Variants in VSTM2B observed in about 807,000 individuals in gnomAD.
The protein encoded by VSTM2B is V-set and transmembrane domain containing 2B.
In VSTM2B, 24 loss-of-function variants were observed where a neutral mutation model predicts 24.0. That is an observed-to-expected ratio of 1.00 (90% CI 0.72 to 1.40). The LOEUF is 1.40. Ranked by LOEUF, VSTM2B falls within the 40% of genes most tolerant of loss-of-function variation. The pLI is 0.00. For missense variants in VSTM2B, 399 were observed against 416.4 expected (o/e 0.96, Z 0.36); for synonymous variants, 226 against 194.4 (o/e 1.16, Z -1.35).
chr19:29,528,814 C>T (rs984287639), intron 3 of VSTM2B: 3 of 781,932 alleles, frequency 3.8e-6, no homozygotes, highest in South Asian at 5.7e-5. Context: ...CGCGGCTGCT[C>T]GCCCTCGCCG....
At chr19:29,539,198 C>T (rs542192189) in intron 4 of VSTM2B, among the ~76,000 whole-genome samples, 34 of 152,274 alleles carry the variant, frequency 2.2e-4, no homozygotes, top group African/African-American at 7.5e-4. Flanking sequence ...ATTAAACCCC[C>T]AGGTTTGCCC....
At chr19:29,535,663 G>C (rs1476957763) in intron 4 of VSTM2B, among the ~76,000 whole-genome samples, 1 of 152,210 alleles carries the variant, frequency 6.6e-6, no homozygotes, top group Non-Finnish European at 1.5e-5. Flanking sequence ...GTGACCAAAG[G>C]GGGCCGTGGG....
intron 4 of VSTM2B, among the ~76,000 whole-genome samples, chr19:29,535,724 G>T (rs1969874238): frequency 6.6e-6 from 1 of 152,118 alleles, no homozygotes; most frequent in Non-Finnish European, 1.5e-5. Context: ...TGGTGATAGA[G>T]CTGAAGGAAT....
At chr19:29,530,441 C>T (rs538352483) in intron 4 of VSTM2B, among the ~76,000 whole-genome samples, 151 bp downstream of exon 4, 6 of 145,930 alleles carry the variant, frequency 4.1e-5, no homozygotes, top group East Asian at 2.4e-4. Flanking sequence ...GAGCGCCCCC[C>T]CCAGGGCCTT....
intron 4 of VSTM2B, among the ~76,000 whole-genome samples, chr19:29,551,635 A>G (rs1231324536): frequency 6.6e-6 from 1 of 152,186 alleles, no homozygotes; most frequent in African/African-American, 2.4e-5. Flanking sequence ...GTGATTAGCA[A>G]AATGATGATA....
intron 4 of VSTM2B, among the ~76,000 whole-genome samples, chr19:29,536,731 A>G (rs1411139080): frequency 6.6e-6 from 1 of 152,080 alleles, no homozygotes; most frequent in Non-Finnish European, 1.5e-5. Context: ...GCCCCCAAGA[A>G]AAGAGCTGGA....
At chr19:29,552,364 C>A (rs1970304883) in intron 4 of VSTM2B, among the ~76,000 whole-genome samples, 1 of 152,228 alleles carries the variant, frequency 6.6e-6, no homozygotes, top group African/African-American at 2.4e-5. Flanking sequence ...CCTGCATAGG[C>A]AACTGGGGTA....
At chr19:29,552,863 C>A (rs534628881) in intron 4 of VSTM2B, among the ~76,000 whole-genome samples, 2 of 152,310 alleles carry the variant, frequency 1.3e-5, no homozygotes, top group African/African-American at 4.8e-5. Flanking sequence ...TCAGACTGCC[C>A]CTTTAGGCCT....
At chr19:29,549,433 G>T (rs1304402294) in intron 4 of VSTM2B, among the ~76,000 whole-genome samples, 1 of 89,946 alleles carries the variant, frequency 1.1e-5, no homozygotes, top group East Asian at 4.6e-4. Flanking sequence ...TTCCCCCAGT[G>T]CTGCCTCAAC....
chr19:29,555,168 A>C (rs1970378332), intron 4 of VSTM2B, among the ~76,000 whole-genome samples: 2 of 152,144 alleles, frequency 1.3e-5, no homozygotes, highest in African/African-American at 4.8e-5. Context: ...GAAGTAAAAC[A>C]CTCCTCAGCA....
At chr19:29,555,505 C>T (rs1361676433) in intron 4 of VSTM2B, among the ~76,000 whole-genome samples, 2 of 151,974 alleles carry the variant, frequency 1.3e-5, no homozygotes, top group Non-Finnish European at 2.9e-5. Context: ...ACTAGAGAAC[C>T]AAGAGAAAAC....
chr19:29,547,312 C>T (rs1970177882), intron 4 of VSTM2B, among the ~76,000 whole-genome samples: 1 of 152,172 alleles, frequency 6.6e-6, no homozygotes, highest in African/African-American at 2.4e-5. Context: ...CTTCATCTCC[C>T]TGGACCTCAG....
chr19:29,538,629 G>C lies in VSTM2B; in HGVS notation c.769+8339G>C, dbSNP rs374756749. 5.3e-5 allele frequency among the ~76,000 whole-genome samples: 8 copies of C among 152,310 alleles called. 1 individual carries two copies. Among genetic ancestry groups the C allele is most frequent in the African/African-American group, 1.9e-4 (8 of 41,568 alleles). ...GGTTTATTTGGCTCACAGTTCTGCA[G>C]GCTGTGCAAGCAAGGCACCAGCATC... On this transcript the variant is annotated intron_variant, in intron 4 of 4. Transcript: ENST00000335523.
upstream of VSTM2B, chr19:29,525,592 C>G (rs1969537644): frequency 6.6e-6 from 1 of 152,448 alleles, no homozygotes; most frequent in Non-Finnish European, 1.5e-5. Flanking sequence ...CGGCCCCGGG[C>G]GCCCACCCAT....
chr19:29,525,965 C>CTCCCT (rs1969550128), upstream of VSTM2B, among the ~76,000 whole-genome samples: 1 of 151,774 alleles, frequency 6.6e-6, no homozygotes, highest in South Asian at 2.1e-4. Flanking sequence ...TGACCGCCCC[C>CTCCCT]TCCCTTCCCC....
chr19:29,543,009 G>A (rs911594261), intron 4 of VSTM2B, among the ~76,000 whole-genome samples: 26 of 152,240 alleles, frequency 1.7e-4, no homozygotes, highest in Admixed American at 7.8e-4. Context: ...GCCTGCTTCC[G>A]ACTCCCCTAA....
chr19:29,546,639 A>G lies in VSTM2B; in HGVS notation c.769+16349A>G, dbSNP rs555767208. Among the ~76,000 whole-genome samples, 9 of 152,206 alleles carry G rather than the reference A, an allele frequency of 5.9e-5. No individual in the cohort carries two copies. The South Asian group carries it at 1.5e-3, about 25-fold the overall frequency. ...CAGGTGAGGAATGGGCCCCACACTG[A>G]GGGAGGCAGCCTCGCCGTCCCCGCT... On this transcript the variant is annotated intron_variant, in intron 4 of 4. Coordinates refer to ENST00000335523, the MANE Select transcript of VSTM2B (RefSeq NM_001146339.2).
intron 4 of VSTM2B, among the ~76,000 whole-genome samples, chr19:29,544,812 C>T (rs889132006): frequency 6.6e-6 from 1 of 152,092 alleles, no homozygotes; most frequent in Non-Finnish European, 1.5e-5. Flanking sequence ...AGGACCTGGC[C>T]CATGTCTGGT....
At position 29,534,618 on chromosome 19, in the gene VSTM2B, A is replaced by G. The variant is rs138759792; in HGVS notation, c.769+4328A>G. Among the ~76,000 whole-genome samples the G allele has an allele frequency of 6.7e-3, 1,020 of 152,128 alleles. 22 individuals are homozygous for G. The highest frequency in any genetic ancestry group is 0.023 in the African/African-American group (960 of 41,510). ...GTAATCCCAGATACTTGGGAGGCTG[A>G]GGCAGGATAATAACTTGAACCTGGG... On this transcript the variant is annotated intron_variant, in intron 4 of 4. Transcript: ENST00000335523.
Sources: allele counts gnomAD v4.1 joint callset (sites outside exome capture counted in the v4.1 genomes callset), GRCh38; gene constraint gnomAD v4.1.1; transcripts MANE v1.5; gene names NCBI Gene and HGNC (gene_info 2026-07-23, HGNC 2026-07-21).